Variants in KHDRBS2 observed in about 807,000 individuals in gnomAD.
The protein encoded by KHDRBS2 is KH RNA binding domain containing, signal transduction associated 2, also known as KH domain-containing, RNA-binding, signal transduction-associated protein 2.
A neutral mutation model predicts 44.3 loss-of-function variants in KHDRBS2; 26 were observed. The observed-to-expected ratio is 0.59, with a 90% CI of 0.43 to 0.81. KHDRBS2 has a LOEUF of 0.81. Among genes scored for constraint, KHDRBS2 ranks in the 40% least tolerant of loss-of-function variants. The pLI, the probability that KHDRBS2 is intolerant of heterozygous loss-of-function variation, is 0.00. For synonymous variants in KHDRBS2, 194 were observed against 151.1 expected (o/e 1.28, Z -2.08); for missense variants, 476 against 433.1 (o/e 1.10, Z -0.88).
At chr6:62,165,358 T>C (rs1480697167) in intron 2 of KHDRBS2, among the ~76,000 whole-genome samples, 7 of 150,592 alleles carry the variant, frequency 4.6e-5, no homozygotes, top group Non-Finnish European at 8.9e-5. Flanking sequence ...TTTTTTTTTT[T>C]CTCCAATTGT....
chr6:62,109,723 T>C (rs538725479), intron 2 of KHDRBS2, among the ~76,000 whole-genome samples: 30 of 150,748 alleles, frequency 2.0e-4, no homozygotes, highest in Non-Finnish European at 3.5e-4. Context: ...AAATATTTCA[T>C]ATGTATATGC....
chr6:62,035,689 T>C (rs977379289), intron 3 of KHDRBS2, among the ~76,000 whole-genome samples: 17 of 152,194 alleles, frequency 1.1e-4, no homozygotes, highest in South Asian at 2.1e-4. Context: ...CCTTAGGCGA[T>C]GGATACCCCA....
chr6:62,166,559 T>C (rs1227317692), intron 2 of KHDRBS2, among the ~76,000 whole-genome samples: 1 of 152,074 alleles, frequency 6.6e-6, no homozygotes, highest in Non-Finnish European at 1.5e-5. Flanking sequence ...CCTAACTTAA[T>C]AAAAGTATTA....
chr6:62,047,423 A>T (rs1261809266), intron 3 of KHDRBS2, among the ~76,000 whole-genome samples: 4 of 151,918 alleles, frequency 2.6e-5, no homozygotes, highest in Admixed American at 6.6e-5. Context: ...ATTCTCTTAG[A>T]TTTGCAGATA....
At chr6:61,606,022 CT>C in the KHDRBS2 span, among the ~76,000 whole-genome samples, 1 of 152,086 alleles carries the variant, frequency 6.6e-6, no homozygotes, top group Non-Finnish European at 1.5e-5. Context: ...TGTGAAATTC[CT>C]TCTCCTGGTT....
At chr6:62,066,368 T>A (rs1793726441) in intron 2 of KHDRBS2, among the ~76,000 whole-genome samples, 1 of 151,694 alleles carries the variant, frequency 6.6e-6, no homozygotes, top group Non-Finnish European at 1.5e-5. Context: ...CTTTTAATAC[T>A]TAACAGATAT....
intron 2 of KHDRBS2, among the ~76,000 whole-genome samples, chr6:62,061,490 T>C (rs1791864828): frequency 6.6e-6 from 1 of 150,400 alleles, no homozygotes; most frequent in Admixed American, 6.6e-5. Flanking sequence ...TTAAGAATGT[T>C]GAATATTGGC....
At chr6:61,568,529 A>G in the KHDRBS2 span, among the ~76,000 whole-genome samples, 2 of 152,222 alleles carry the variant, frequency 1.3e-5, no homozygotes, top group African/African-American at 4.8e-5. Context: ...ACAGAAAAAA[A>G]TCACAGATCC....
intron 7 of KHDRBS2, among the ~76,000 whole-genome samples, chr6:61,715,325 TC>T (rs1423143241): frequency 2.0e-5 from 3 of 151,962 alleles, no homozygotes; most frequent in Non-Finnish European, 2.9e-5. Flanking sequence ...CTTGCTAAAT[TC>T]TAGGTTTGAT....
chr6:62,220,772 A>T (rs1473183422), intron 1 of KHDRBS2, among the ~76,000 whole-genome samples: 2 of 151,974 alleles, frequency 1.3e-5, no homozygotes, highest in Non-Finnish European at 2.9e-5. Context: ...ATATGGTAAC[A>T]TCAAACAAGT....
At chr6:61,709,367 C>G (rs944212258) in intron 7 of KHDRBS2, among the ~76,000 whole-genome samples, 2 of 151,472 alleles carry the variant, frequency 1.3e-5, no homozygotes, top group African/African-American at 4.8e-5. Flanking sequence ...GATAGATGAT[C>G]TATATAAGGC....
Position 61,991,647 on chromosome 6 carries a change from G to T in KHDRBS2, c.337-13435C>A, listed in dbSNP as rs1261445533. Among the ~76,000 whole-genome samples, 5 of 152,330 alleles carry T rather than the reference G, an allele frequency of 3.3e-5. No homozygotes were observed. The Middle Eastern group carries it at 0.014, about 415-fold the overall frequency. ...ATAATGGAAAAGCAAACACAAGTGAGTCTCAGTTGGCAGGGAGCAATAGGC... is the reference window on the plus strand; with the variant it reads ...ATAATGGAAAAGCAAACACAAGTGATTCTCAGTTGGCAGGGAGCAATAGGC... On this transcript the variant is annotated intron_variant, in intron 3 of 8. Transcript: ENST00000281156.
At chr6:61,740,812 T>C (rs985497605) in intron 6 of KHDRBS2, among the ~76,000 whole-genome samples, 5 of 151,948 alleles carry the variant, frequency 3.3e-5, no homozygotes, top group African/African-American at 7.2e-5. Flanking sequence ...GTAACCGTGA[T>C]ACGATTAAGA....
At chr6:61,864,993 C>A (rs1214308131) in intron 6 of KHDRBS2, among the ~76,000 whole-genome samples, 1 of 152,018 alleles carries the variant, frequency 6.6e-6, no homozygotes, top group Admixed American at 6.5e-5. Flanking sequence ...TTTAACTGTT[C>A]TTTTCTGCCT....
At chr6:61,690,882 A>C (rs1183932403) in intron 8 of KHDRBS2, among the ~76,000 whole-genome samples, 1 of 152,070 alleles carries the variant, frequency 6.6e-6, no homozygotes, top group Admixed American at 6.6e-5. Flanking sequence ...GAAATTATAA[A>C]GATAATTATC....
intron 2 of KHDRBS2, among the ~76,000 whole-genome samples, chr6:62,069,434 A>G (rs1480478006): frequency 1.3e-5 from 2 of 151,752 alleles, no homozygotes; most frequent in Non-Finnish European, 2.9e-5. Flanking sequence ...CTCAATCTAC[A>G]GTACATATCA....
At chr6:62,091,216 C>T (rs182418861) in intron 2 of KHDRBS2, among the ~76,000 whole-genome samples, 2 of 152,228 alleles carry the variant, frequency 1.3e-5, no homozygotes, top group East Asian at 1.9e-4. Flanking sequence ...AATCTTAGGG[C>T]TAGAAAGAAG....
chr6:61,845,221 A>G (rs974038171), intron 6 of KHDRBS2, among the ~76,000 whole-genome samples: 3 of 152,090 alleles, frequency 2.0e-5, no homozygotes, highest in South Asian at 4.1e-4. Context: ...CCAAACATAT[A>G]TAAGTATTTA....
the KHDRBS2 span, among the ~76,000 whole-genome samples, chr6:61,657,039 G>A: frequency 5.4e-4 from 82 of 151,944 alleles, no homozygotes; most frequent in African/African-American, 1.9e-3. Flanking sequence ...TGGGGAAGCC[G>A]AAAAAGTGCA....
Sources: gnomAD v4.1 joint callset for allele counts (sites outside exome capture counted in the v4.1 genomes callset) on GRCh38, gnomAD v4.1.1 for gene constraint, MANE v1.5 for transcripts, NCBI Gene and HGNC (gene_info 2026-07-23, HGNC 2026-07-21) for gene names.